The following OSMR variants were observed in gnomAD, a reference collection of about 807,000 sequenced individuals.
The protein encoded by OSMR is oncostatin M receptor.
A neutral mutation model predicts 99.9 loss-of-function variants in OSMR; 81 were observed. That is an observed-to-expected ratio of 0.81 (90% CI 0.68 to 0.97). The LOEUF is 0.97. OSMR is among the 50% of genes least tolerant of loss of function. The probability of loss-of-function intolerance (pLI) is 0.00; values close to 1 mark genes in which losing one functional copy is unlikely to be tolerated. For synonymous variants in OSMR, 406 were observed against 410.4 expected (o/e 0.99, Z 0.13); for missense variants, 1,099 against 1,153.4 (o/e 0.95, Z 0.68).
At chr5:38,890,009 T>C (rs891162475) in intron 7 of OSMR, among the ~76,000 whole-genome samples, 13 of 152,262 alleles carry the variant, frequency 8.5e-5, no homozygotes, top group African/African-American at 3.1e-4. Flanking sequence ...TATAACAAAC[T>C]ATATATGATA....
At chr5:38,859,936 T>G (rs1166865279) in intron 1 of OSMR, among the ~76,000 whole-genome samples, 1 of 152,230 alleles carries the variant, frequency 6.6e-6, no homozygotes, top group Non-Finnish European at 1.5e-5. Context: ...TTTTGTATTC[T>G]AAAACTTTAC....
intron 3 of OSMR, among the ~76,000 whole-genome samples, chr5:38,879,592 G>T (rs1052545083): frequency 2.0e-5 from 3 of 151,966 alleles, no homozygotes; most frequent in Admixed American, 2.0e-4. Flanking sequence ...TTCTAGCAGG[G>T]GTCTGGGGGA....
At chr5:38,922,724 A>G (rs6864478) in intron 12 of OSMR, among the ~76,000 whole-genome samples, 59,372 of 151,986 alleles carry the variant, frequency 0.39, 11,805 homozygotes, top group Non-Finnish European at 0.41. Flanking sequence ...GATGAAATAC[A>G]AAATTCCTGA....
At chr5:38,852,784 G>A (rs1014736993) in intron 1 of OSMR, among the ~76,000 whole-genome samples, 2 of 117,128 alleles carry the variant, frequency 1.7e-5, no homozygotes, top group African/African-American at 6.5e-5. Flanking sequence ...AAGCTGGACT[G>A]CAGTGGCGCT....
intron 1 of OSMR, among the ~76,000 whole-genome samples, chr5:38,850,952 A>G (rs1454910997): frequency 1.3e-5 from 2 of 152,074 alleles, no homozygotes; most frequent in African/African-American, 4.8e-5. Flanking sequence ...GAAATAGATC[A>G]TTAAAGTATC....
Position 38,849,895 on chromosome 5 carries a change from A to G in OSMR, c.-14+3508A>G, listed in dbSNP as rs577945242. Among the ~76,000 whole-genome samples the G allele has an allele frequency of 6.6e-5, 10 of 152,324 alleles. 1 individual carries two copies. In the East Asian group the frequency reaches 7.7e-4, roughly 12 times the overall value. On this transcript the variant is annotated intron_variant, in intron 1 of 17. Coordinates refer to ENST00000274276, the MANE Select transcript of OSMR (RefSeq NM_003999.3). ...TTCTTAGCGCTGTTGTGAGGATTCA[A>G]TTAATAAATGCATGTACGTCACTTA...
Position 38,924,452 on chromosome 5 carries a change from A to G in OSMR, c.1901A>G (p.Asp634Gly), listed in dbSNP as rs1286327024. ...TCAGACAACCCTCACGTGCTGGTGG[A>G]TACATTGACATCCCACTCCTTCACT... ...APSDNPHVLV[D>G]TLTSHSFTLS... Residue 634 changes from aspartate (D) to glycine (G), a missense_variant, in exon 14 of 18, where the codon GAT (aspartate) becomes GGT (glycine). Transcript: ENST00000274276. 1 of 1,614,074 alleles carries G rather than the reference A, an allele frequency of 6.2e-7. No individual in the cohort carries two copies. Among genetic ancestry groups the G allele is most frequent in the Non-Finnish European group, 8.5e-7 (1 of 1,179,976 alleles).
chr5:38,917,470 C>T, intron 9 of OSMR, 76 bp from the exon 10 acceptor site: 3 of 1,586,334 alleles, frequency 1.9e-6, no homozygotes, highest in Non-Finnish European at 2.6e-6. Flanking sequence ...ATGTCCTTGA[C>T]CGTCCTAGAA....
chr5:38,861,328 C>T (rs922985753), intron 1 of OSMR, among the ~76,000 whole-genome samples: 26 of 152,048 alleles, frequency 1.7e-4, no homozygotes, highest in Admixed American at 4.6e-4. Flanking sequence ...TGATTCTTAA[C>T]GAGCATGCTG....
chr5:38,850,426 T>C (rs1360757115), intron 1 of OSMR, among the ~76,000 whole-genome samples: 1 of 152,232 alleles, frequency 6.6e-6, no homozygotes. Context: ...TTATTTTTGT[T>C]AAAAGAAAGA....
At chr5:38,929,664 A>G (rs576098589) in intron 15 of OSMR, among the ~76,000 whole-genome samples, 83 of 152,346 alleles carry the variant, frequency 5.4e-4, no homozygotes, top group African/African-American at 1.9e-3. Flanking sequence ...ATCTTCTAAA[A>G]TGAGCATATA....
chr5:38,938,667 A>G (rs1747222320), downstream of OSMR: 1 of 232,590 alleles, frequency 4.3e-6, no homozygotes, highest in Non-Finnish European at 8.5e-6. Flanking sequence ...CTTGGAACTA[A>G]AAGAAGAAAA....
chr5:38,880,290 G>A (rs1458514127), intron 3 of OSMR, among the ~76,000 whole-genome samples: 2 of 152,138 alleles, frequency 1.3e-5, no homozygotes, highest in Non-Finnish European at 2.9e-5. Flanking sequence ...CTTATTATTC[G>A]CCCTTAGAAA....
At chr5:38,938,230 G>A (rs933284985), downstream of OSMR, 3 of 224,378 alleles carry the variant, frequency 1.3e-5, no homozygotes, top group East Asian at 6.5e-5. Context: ...ATGTAGCAGC[G>A]TATTACTAAA....
rs1404490689 is a variant in OSMR at position 38,904,333 on chromosome 5, T to C, written c.1135-20T>C. ...TGTTCTTTTCTCTTTTTTCTTTTCTTCTCTTTTTTGATCAAGCAGTACAAT... is the reference window on the plus strand; with the variant it reads ...TGTTCTTTTCTCTTTTTTCTTTTCTCCTCTTTTTTGATCAAGCAGTACAAT... On this transcript the variant is annotated intron_variant, in intron 8 of 17. Coordinates refer to ENST00000274276, the MANE Select transcript of OSMR (RefSeq NM_003999.3). 2 of 1,612,180 alleles carry C rather than the reference T, an allele frequency of 1.2e-6. No individual in the cohort carries two copies. Among genetic ancestry groups the C allele is most frequent in the East Asian group, 4.5e-5 (2 of 44,780 alleles).
At chr5:38,909,612 C>A (rs1745447977) in intron 9 of OSMR, among the ~76,000 whole-genome samples, 1 of 152,182 alleles carries the variant, frequency 6.6e-6, no homozygotes, top group Non-Finnish European at 1.5e-5. Flanking sequence ...CCAAGAATTT[C>A]ATATCTAGCC....
At position 38,893,063 on chromosome 5, in the gene OSMR, G is replaced by GA. The variant is rs568638812; in HGVS notation, c.991+6879dup. Among the ~76,000 whole-genome samples the GA allele has an allele frequency of 6.4e-3, 978 of 152,276 alleles. 7 individuals are homozygous for GA. The highest frequency in any genetic ancestry group is 8.5e-3 in the Non-Finnish European group (578 of 68,020). ...CACTCTACTGTCCAGGGCTTCACCT[G>GA]AAAAAACAGAGCACTTCACAGTAAA... is the stretch of plus-strand genomic sequence containing the variant. On this transcript the variant is annotated intron_variant, in intron 7 of 17. Transcript: ENST00000274276.
At chr5:38,939,042 C>CA, downstream of OSMR, 1 of 233,064 alleles carries the variant, frequency 4.3e-6, no homozygotes. Flanking sequence ...TCATCTCACA[C>CA]AAAATTAGCA....
chr5:38,936,484 T>C (rs2112727087), downstream of OSMR, among the ~76,000 whole-genome samples: 1 of 152,254 alleles, frequency 6.6e-6, no homozygotes, highest in Middle Eastern at 3.4e-3. Flanking sequence ...AACTCGACAA[T>C]TCAAGATGGG....
Sources: gnomAD v4.1 joint callset for allele counts (sites outside exome capture counted in the v4.1 genomes callset) on GRCh38, gnomAD v4.1.1 for gene constraint, MANE v1.5 for transcripts, NCBI Gene and HGNC (gene_info 2026-07-23, HGNC 2026-07-21) for gene names.